The following PCBP3 variants were observed in gnomAD, a reference collection of about 807,000 sequenced individuals.
PCBP3 encodes the protein poly(rC)-binding protein 3.
Under a neutral mutation model 52.7 loss-of-function variants are expected in PCBP3, and 25 were observed. The ratio of observed to expected loss-of-function variants is 0.47; its 90% CI spans 0.35 to 0.66. The LOEUF is 0.66. Ranked by LOEUF, PCBP3 falls within the 30% of genes least tolerant of loss-of-function variation. The pLI is 0.01. For synonymous variants in PCBP3, 162 were observed against 183.0 expected (o/e 0.89, Z 0.93); for missense variants, 391 against 490.3 (o/e 0.80, Z 1.91).
At chr21:45,878,351 T>C (rs1275773666) in intron 5 of PCBP3, among the ~76,000 whole-genome samples, 1 of 152,220 alleles carries the variant, frequency 6.6e-6, no homozygotes, top group Non-Finnish European at 1.5e-5. Context: ...TTAGACAGGA[T>C]GCAAGTGCAG....
At chr21:45,861,712 C>T (rs563284478) in intron 5 of PCBP3, among the ~76,000 whole-genome samples, 14 of 152,280 alleles carry the variant, frequency 9.2e-5, no homozygotes, top group Admixed American at 6.5e-4. Context: ...GACTGGATGG[C>T]GCCAGCTGGG....
intron 2 of PCBP3, among the ~76,000 whole-genome samples, chr21:45,702,610 C>T (rs2083200860): frequency 6.6e-6 from 1 of 152,188 alleles, no homozygotes; most frequent in Non-Finnish European, 1.5e-5. Flanking sequence ...TGCTAATAAT[C>T]ATCTGAGCCT....
At chr21:45,806,174 C>T (rs2092492708) in intron 4 of PCBP3, among the ~76,000 whole-genome samples, 1 of 152,240 alleles carries the variant, frequency 6.6e-6, no homozygotes, top group Non-Finnish European at 1.5e-5. Flanking sequence ...GCTGCAGAAT[C>T]GCAGAATCAC....
intron 16 of PCBP3, among the ~76,000 whole-genome samples, chr21:45,938,669 G>A (rs149809550): frequency 6.6e-6 from 1 of 152,318 alleles, no homozygotes; most frequent in East Asian, 1.9e-4. Context: ...TGAGAGGTGT[G>A]GGGGAGCCCA....
chr21:45,765,355 G>A (rs183985929), intron 4 of PCBP3, among the ~76,000 whole-genome samples: 1 of 152,306 alleles, frequency 6.6e-6, no homozygotes, highest in East Asian at 1.9e-4. Flanking sequence ...AAACAGGTGA[G>A]GTAATCAGAT....
At chr21:45,897,620 C>T (rs1016702356) in intron 6 of PCBP3, among the ~76,000 whole-genome samples, 6 of 152,122 alleles carry the variant, frequency 3.9e-5, no homozygotes, top group African/African-American at 1.4e-4. Flanking sequence ...CAAGGCCCGA[C>T]GAGTCCCTGT....
chr21:45,717,852 TTGGGAAGTATCCTTTTC>T (rs2084331158), intron 2 of PCBP3, among the ~76,000 whole-genome samples: 1 of 152,194 alleles, frequency 6.6e-6, no homozygotes, highest in Non-Finnish European at 1.5e-5. Flanking sequence ...ATAAAATGAG[TTGGGAAGTATCCTTTTC>T]TTGTCTGTAA....
chr21:45,757,366 A>G (rs1038563930), intron 4 of PCBP3, among the ~76,000 whole-genome samples: 1 of 152,128 alleles, frequency 6.6e-6, no homozygotes, highest in African/African-American at 2.4e-5. Context: ...CCTACTTTTA[A>G]ATTGTTTGTT....
intron 2 of PCBP3, among the ~76,000 whole-genome samples, chr21:45,727,208 A>G (rs1340145280): frequency 6.6e-6 from 1 of 152,246 alleles, no homozygotes; most frequent in Non-Finnish European, 1.5e-5. Context: ...TTGGATGCAA[A>G]GAAAATGTCA....
chr21:45,649,067 C>T (rs540123362), intron 1 of PCBP3, among the ~76,000 whole-genome samples: 3 of 152,254 alleles, frequency 2.0e-5, no homozygotes, highest in Admixed American at 6.5e-5. Flanking sequence ...AAGACATACC[C>T]GAGACTGGGC....
rs1036514586 is a variant in PCBP3, at chr21:45,827,448, C to G, written c.-125-22513C>G. 1.3e-5 allele frequency among the ~76,000 whole-genome samples: 2 copies of G among 152,234 alleles called. No homozygotes were observed. The highest frequency in any genetic ancestry group is 2.4e-5 in the African/African-American group (1 of 41,536). On this transcript the variant is annotated intron_variant, in intron 4 of 17. Coordinates refer to ENST00000681687, the MANE Select transcript of PCBP3 (RefSeq NM_001384156.1). This position sits in a 1 kb window ranked among gnomAD's most constrained non-coding sequence, Gnocchi z 4.3. Reference sequence around the variant, plus strand: ...AAAGGCAATCGACAGACACCAACACCAACACCCAGATGACATGGGCACCGA... The same window carrying G: ...AAAGGCAATCGACAGACACCAACACGAACACCCAGATGACATGGGCACCGA...
intron 5 of PCBP3, among the ~76,000 whole-genome samples, chr21:45,876,142 A>G (rs2095251582): frequency 6.6e-6 from 1 of 152,222 alleles, no homozygotes; most frequent in African/African-American, 2.4e-5. Flanking sequence ...TGGAGCGGTC[A>G]GGGGCCAGAA....
At chr21:45,665,484 C>A (rs926443800) in intron 1 of PCBP3, among the ~76,000 whole-genome samples, 6 of 152,096 alleles carry the variant, frequency 3.9e-5, no homozygotes, top group Admixed American at 6.6e-5. Flanking sequence ...TTTATCAAAT[C>A]CAGGAATCAT....
chr21:45,673,083 G>C (rs1263353323), intron 2 of PCBP3, among the ~76,000 whole-genome samples: 3 of 152,218 alleles, frequency 2.0e-5, no homozygotes, highest in Admixed American at 2.0e-4. Flanking sequence ...CTCATTACCA[G>C]CTGTCTGACA....
At chr21:45,785,788 A>G (rs1217849492) in intron 4 of PCBP3, among the ~76,000 whole-genome samples, 1 of 100,738 alleles carries the variant, frequency 9.9e-6, no homozygotes, top group African/African-American at 4.1e-5. Context: ...GTTCTGTACT[A>G]GAAAAATTCT....
At chr21:45,857,894 C>T (rs994572574) in intron 5 of PCBP3, among the ~76,000 whole-genome samples, 25 of 152,242 alleles carry the variant, frequency 1.6e-4, no homozygotes, top group African/African-American at 5.8e-4. Flanking sequence ...GGCTGCCCCC[C>T]AGGGCCTTGC....
chr21:45,848,866 C>T (rs1027680111), intron 4 of PCBP3, among the ~76,000 whole-genome samples: 1 of 152,162 alleles, frequency 6.6e-6, no homozygotes, highest in Non-Finnish European at 1.5e-5. Flanking sequence ...ACTTGGAGAA[C>T]ATCATTTACC....
chr21:45,888,184 C>T (rs2095566961), intron 5 of PCBP3, among the ~76,000 whole-genome samples: 1 of 152,248 alleles, frequency 6.6e-6, no homozygotes, highest in African/African-American at 2.4e-5. Context: ...CCTCCTCCTG[C>T]TCCTGCAGCT....
chr21:45,653,176 T>C (rs2079797992), intron 1 of PCBP3, among the ~76,000 whole-genome samples: 1 of 152,234 alleles, frequency 6.6e-6, no homozygotes, highest in Non-Finnish European at 1.5e-5. Flanking sequence ...ATATGGTATG[T>C]AAGTTTTCTC....
Sources: allele counts gnomAD v4.1 joint callset (sites outside exome capture counted in the v4.1 genomes callset), GRCh38; gene constraint gnomAD v4.1.1; non-coding constraint Gnocchi (gnomAD v3.1); transcripts MANE v1.5; gene names NCBI Gene and HGNC (gene_info 2026-07-23, HGNC 2026-07-21).